The following ATP6V1A variants were observed in gnomAD, a reference collection of about 807,000 sequenced individuals.
ATP6V1A encodes ATPase H+ transporting V1 subunit A, also known as V-type proton ATPase catalytic subunit A.
ATP6V1A carries 18 observed loss-of-function variants against 70.1 expected under a neutral mutation model. The ratio of observed to expected loss-of-function variants is 0.26; its 90% CI spans 0.18 to 0.38. The LOEUF (loss-of-function observed/expected upper bound fraction) is 0.38. ATP6V1A is among the 10% of genes least tolerant of loss of function. The probability of loss-of-function intolerance (pLI) is 1.00; values close to 1 mark genes in which losing one functional copy is unlikely to be tolerated. For synonymous variants in ATP6V1A, 232 were observed against 253.8 expected, an observed-to-expected ratio of 0.91 and a Z score of 0.82; for missense variants, 424 against 772.4, an observed-to-expected ratio of 0.55 and a Z score of 5.35.
At position 113,781,108 on chromosome 3, in the gene ATP6V1A, C is replaced by T; in HGVS notation, c.141C>T (p.His47=). 3 of 1,613,760 alleles carry T rather than the reference C, an allele frequency of 1.9e-6. No homozygotes were observed. Among genetic ancestry groups the T allele is most frequent in the Non-Finnish European group, 2.5e-6 (3 of 1,179,772 alleles). The change falls in exon 3 of 15, where the codon CAC becomes CAT. Residue 47 remains histidine, a synonymous_variant. Transcript: ENST00000273398. ...AAMYELVRVG[H]SELVGEIIRL... is the part of the protein sequence containing the mutation. Reference sequence around the variant, plus strand: ...TGTATGAGCTGGTGAGAGTGGGCCACAGCGAATTGGTTGGAGAGATTATTC... The same window carrying T: ...TGTATGAGCTGGTGAGAGTGGGCCATAGCGAATTGGTTGGAGAGATTATTC...
At chr3:113,767,541 A>G (rs2108016993) in intron 1 of ATP6V1A, among the ~76,000 whole-genome samples, 1 of 152,278 alleles carries the variant, frequency 6.6e-6, no homozygotes, top group African/African-American at 2.4e-5. Flanking sequence ...CATTGACCAT[A>G]GGCTTCTAGC....
At chr3:113,775,887 T>G (rs564848108) in intron 1 of ATP6V1A, among the ~76,000 whole-genome samples, 2 of 152,340 alleles carry the variant, frequency 1.3e-5, no homozygotes, top group South Asian at 4.1e-4. Flanking sequence ...CTTTGAAGAC[T>G]TTTCCCAACC....
chr3:113,782,692 C>T lies in ATP6V1A; in HGVS notation c.211+1514C>T, dbSNP rs982160686. Among the ~76,000 whole-genome samples, 5 of 151,088 alleles carry T rather than the reference C, an allele frequency of 3.3e-5. No individual in the cohort carries two copies. The East Asian group carries it at 7.8e-4, about 24-fold the overall frequency. ...AGGCTGGAGTGCAGTAGCATGATCT[C>T]GGCTTACTGCAACCTCCGCCTCCCA... is the stretch of plus-strand genomic sequence containing the variant. On this transcript the variant is annotated intron_variant, in intron 3 of 14. Coordinates refer to ENST00000273398, the MANE Select transcript of ATP6V1A (RefSeq NM_001690.4).
rs140428918 is a variant in ATP6V1A, at chr3:113,799,681, CAAAT to C, written c.1494+1238_1494+1241del. On this transcript the variant is annotated intron_variant, in intron 12 of 14. Coordinates refer to ENST00000273398, the MANE Select transcript of ATP6V1A (RefSeq NM_001690.4). ...AAATATAACAGAATTAACAGAGAAACAAATAATAAGAGTTCACTGGGGTGTTATG... is the reference window on the plus strand; with the variant it reads ...AAATATAACAGAATTAACAGAGAAACAATAAGAGTTCACTGGGGTGTTATG... 8.8e-3 allele frequency among the ~76,000 whole-genome samples: 1,341 copies of C among 152,100 alleles called. 15 individuals are homozygous for C. Among genetic ancestry groups the C allele is most frequent in the African/African-American group, 0.03 (1,251 of 41,496 alleles).
At chr3:113,791,521 A>T (rs1709091996) in intron 8 of ATP6V1A, among the ~76,000 whole-genome samples, 1 of 151,172 alleles carries the variant, frequency 6.6e-6, no homozygotes, top group African/African-American at 2.4e-5. Flanking sequence ...CTGTACTGAT[A>T]TTTATTATTA....
intron 1 of ATP6V1A, among the ~76,000 whole-genome samples, chr3:113,769,795 A>G (rs1708813617): frequency 6.6e-6 from 1 of 152,094 alleles, no homozygotes; most frequent in South Asian, 2.1e-4. Flanking sequence ...CTCTTCTACC[A>G]CAGGGTTTTG....
At chr3:113,748,765 T>A (rs1357527127) in intron 1 of ATP6V1A, among the ~76,000 whole-genome samples, 2 of 152,222 alleles carry the variant, frequency 1.3e-5, no homozygotes, top group African/African-American at 4.8e-5. Flanking sequence ...CTACTATCTC[T>A]TGTGGATTTA....
intron 1 of ATP6V1A, among the ~76,000 whole-genome samples, chr3:113,750,257 A>G (rs1708570884): frequency 6.6e-6 from 1 of 152,218 alleles, no homozygotes; most frequent in Admixed American, 6.5e-5. Flanking sequence ...AGGCGGGCAG[A>G]TCACAACGTC....
intron 3 of ATP6V1A, among the ~76,000 whole-genome samples, chr3:113,782,542 C>CTCTCTCTCTCTCTA (rs749059556): frequency 2.8e-5 from 4 of 141,166 alleles, no homozygotes; most frequent in African/African-American, 1.1e-4. Flanking sequence ...CTCTCTCTCT[C>CTCTCTCTCTCTCTA]TATATATATA....
At chr3:113,772,267 A>G (rs1708850284) in intron 1 of ATP6V1A, among the ~76,000 whole-genome samples, 1 of 152,200 alleles carries the variant, frequency 6.6e-6, no homozygotes, top group African/African-American at 2.4e-5. Flanking sequence ...GACAGCTGTT[A>G]GTTATTCAGT....
chr3:113,805,202 C>A, intron 13 of ATP6V1A, 152 bp from the exon 14 acceptor site: 1 of 759,798 alleles, frequency 1.3e-6, no homozygotes, highest in Non-Finnish European at 2.0e-6. Flanking sequence ...TTGGTCTTTT[C>A]ACTATTATTT....
In ATP6V1A at chr3:113,795,908, C is replaced by T; in HGVS notation, c.1259C>T (p.Pro420Leu). ...CCACCTGGTGGTGATTTTTCTGATC[C>T]AGTTACATCTGCCACTCTTGGTATC... The part of the protein sequence containing the change: ...VSPPGGDFSD[P>L]VTSATLGIVQ... Residue 420 changes from proline to leucine, a missense_variant, in exon 11 of 15, where the codon CCA becomes CTA. Physicochemically the swap from Pro to Leu is moderately conservative, Grantham distance 98. Coordinates refer to ENST00000273398, the MANE Select transcript of ATP6V1A (RefSeq NM_001690.4). The T allele has an allele frequency of 6.2e-7, 1 of 1,609,214 alleles. No individual in the cohort carries two copies. The highest frequency in any genetic ancestry group is 1.1e-5 in the South Asian group (1 of 89,774).
chr3:113,758,743 T>C (rs1708671660), intron 1 of ATP6V1A, among the ~76,000 whole-genome samples: 1 of 152,218 alleles, frequency 6.6e-6, no homozygotes. Context: ...TCTAAGAAAC[T>C]GCCAAACTGT....
At chr3:113,780,304 G>A (rs1577088265) in intron 2 of ATP6V1A, among the ~76,000 whole-genome samples, 2 of 152,150 alleles carry the variant, frequency 1.3e-5, no homozygotes, top group South Asian at 4.2e-4. Context: ...ATTAAAAATT[G>A]GTTTATTCTT....
At chr3:113,756,961 T>A (rs1182988611) in intron 1 of ATP6V1A, among the ~76,000 whole-genome samples, 1 of 152,214 alleles carries the variant, frequency 6.6e-6, no homozygotes, top group Non-Finnish European at 1.5e-5. Context: ...CAAAATGAGG[T>A]AGCGAGGAGC....
At chr3:113,750,650 A>T (rs1468719281) in intron 1 of ATP6V1A, among the ~76,000 whole-genome samples, 1 of 152,250 alleles carries the variant, frequency 6.6e-6, no homozygotes, top group Admixed American at 6.5e-5. Flanking sequence ...AAGTAAGGTT[A>T]AGTTTTCTCA....
At chr3:113,796,866 A>G (rs1022023364) in intron 11 of ATP6V1A, among the ~76,000 whole-genome samples, 3 of 152,246 alleles carry the variant, frequency 2.0e-5, no homozygotes, top group Non-Finnish European at 2.9e-5. Flanking sequence ...TACAAAAATC[A>G]CTGTCAGTTG....
At chr3:113,767,164 G>A (rs773866438) in intron 1 of ATP6V1A, among the ~76,000 whole-genome samples, 31 of 147,228 alleles carry the variant, frequency 2.1e-4, no homozygotes, top group Middle Eastern at 3.5e-3. Context: ...TGATCTTGGC[G>A]CATTGCAACC....
Position 113,786,289 on chromosome 3 carries a change from G to C in ATP6V1A, c.622G>C (p.Val208Leu). The change falls in exon 6 of 15, where the codon GTA becomes CTA. Residue 208 changes from valine (V) to leucine (L), a missense_variant. Coordinates refer to ENST00000273398, the MANE Select transcript of ATP6V1A (RefSeq NM_001690.4). ...AAAGGAGAAGTTCACCATGGTGCAAGTATGGCCTGTACGTCAAGTTCGACC... is the reference window on the plus strand; with the variant it reads ...AAAGGAGAAGTTCACCATGGTGCAACTATGGCCTGTACGTCAAGTTCGACC... ...GVKEKFTMVQ[V>L]WPVRQVRPVT... 6.2e-7 allele frequency: 1 copy of C among 1,613,210 alleles called. No individual in the cohort carries two copies. Among genetic ancestry groups the C allele is most frequent in the Non-Finnish European group, 8.5e-7 (1 of 1,179,460 alleles).
Sources: gnomAD v4.1 joint callset for allele counts (sites outside exome capture counted in the v4.1 genomes callset) on GRCh38, gnomAD v4.1.1 for gene constraint, MANE v1.5 for transcripts, NCBI Gene and HGNC (gene_info 2026-07-23, HGNC 2026-07-21) for gene names.